PTPRN2: variants seen among roughly 807,000 people sequenced by gnomAD.
PTPRN2 encodes the protein protein tyrosine phosphatase receptor type N2, also known as receptor-type tyrosine-protein phosphatase N2.
Under a neutral mutation model 118.8 loss-of-function variants are expected in PTPRN2, and 74 were observed. That is an observed-to-expected ratio of 0.62 (90% CI 0.52 to 0.76). The LOEUF is 0.76. Among genes scored for constraint, PTPRN2 ranks in the 30% least tolerant of loss-of-function variants. The pLI, the probability that PTPRN2 is intolerant of heterozygous loss-of-function variation, is 0.00. For missense variants in PTPRN2, 1,481 were observed against 1,394.4 expected, an observed-to-expected ratio of 1.06 and a Z score of -0.99; for synonymous variants, 641 against 608.0, an observed-to-expected ratio of 1.05 and a Z score of -0.80.
intron 4 of PTPRN2, among the ~76,000 whole-genome samples, chr7:158,199,304 C>T (rs958045810): frequency 6.6e-6 from 1 of 152,158 alleles, no homozygotes; most frequent in African/African-American, 2.4e-5. Flanking sequence ...TAGGTGCGAG[C>T]TCTGTTCCTC....
chr7:157,762,462 G>C (rs962457802), intron 12 of PTPRN2, among the ~76,000 whole-genome samples: 1 of 151,930 alleles, frequency 6.6e-6, no homozygotes, highest in Non-Finnish European at 1.5e-5. Context: ...GATGAAATTG[G>C]AAATCATCAT....
Position 157,622,967 on chromosome 7 carries a change from C to T in PTPRN2, c.2197-1458G>A, listed in dbSNP as rs893159279. Among the ~76,000 whole-genome samples the T allele has an allele frequency of 2.0e-5, 3 of 152,214 alleles. No individual in the cohort carries two copies. The highest frequency in any genetic ancestry group is 7.2e-5 in the African/African-American group (3 of 41,460). ...ACATCAGGGCTGCTCTGAGCCAAAG[C>T]GAACGAGTTCATCTACTCCCGTCAC... On this transcript the variant is annotated intron_variant, in intron 14 of 22. Transcript: ENST00000389418. This position sits in a 1 kb window ranked among gnomAD's most constrained non-coding sequence, Gnocchi z 5.3.
chr7:157,931,221 C>T (rs1799339909), intron 11 of PTPRN2, among the ~76,000 whole-genome samples: 1 of 152,240 alleles, frequency 6.6e-6, no homozygotes. Flanking sequence ...CCCAGCAATT[C>T]CACGAGTTAA....
At chr7:157,620,060 T>C (rs1371669952) in intron 15 of PTPRN2, among the ~76,000 whole-genome samples, 3 of 152,188 alleles carry the variant, frequency 2.0e-5, no homozygotes, top group Non-Finnish European at 4.4e-5. Context: ...AAGGGCCTTG[T>C]CTTAGGGTCC....
At chr7:158,447,636 C>G (rs1320863687) in intron 2 of PTPRN2, among the ~76,000 whole-genome samples, 1 of 152,260 alleles carries the variant, frequency 6.6e-6, no homozygotes, top group African/African-American at 2.4e-5. Flanking sequence ...TGCACGGGTA[C>G]CCGGCCTGCC....
chr7:157,994,153 A>G (rs1465855192), intron 11 of PTPRN2, among the ~76,000 whole-genome samples: 4 of 152,052 alleles, frequency 2.6e-5, no homozygotes, highest in Non-Finnish European at 5.9e-5. Context: ...GCGATACTTC[A>G]CTACAGGCCA....
chr7:157,812,870 T>G (rs1354448654), intron 12 of PTPRN2, among the ~76,000 whole-genome samples: 1 of 152,146 alleles, frequency 6.6e-6, no homozygotes, highest in Non-Finnish European at 1.5e-5. Flanking sequence ...ACCAGCGTTG[T>G]GCAAACCGGG....
intron 2 of PTPRN2, among the ~76,000 whole-genome samples, chr7:158,481,797 A>G (rs1820664132): frequency 6.6e-6 from 1 of 152,218 alleles, no homozygotes; most frequent in African/African-American, 2.4e-5. Context: ...TTGTAAGATG[A>G]CAGCTGCCAT....
At chr7:157,818,567 GC>G (rs1344035385) in intron 12 of PTPRN2, among the ~76,000 whole-genome samples, 1 of 152,116 alleles carries the variant, frequency 6.6e-6, no homozygotes, top group African/African-American at 2.4e-5. Flanking sequence ...TTCCAGAAGG[GC>G]AGAGGCCACG....
intron 12 of PTPRN2, among the ~76,000 whole-genome samples, chr7:157,839,634 A>G (rs907626434): frequency 4.7e-5 from 7 of 149,264 alleles, no homozygotes; most frequent in African/African-American, 1.2e-4. Flanking sequence ...GTGTCTGTGT[A>G]TGACTGTGTG....
rs1360024512 is a variant in PTPRN2, at chr7:157,540,536, T to A, written c.*178A>T. On this transcript the variant is annotated 3_prime_UTR_variant, in exon 23 of 23. Transcript: ENST00000389418. ...ACTGGATTTTTCCACAAATCTCTCT[T>A]TATTATTGTTTGATTAAACAAAAAT... The A allele has an allele frequency of 2.1e-6, 1 of 469,230 alleles. No homozygotes were observed. Among genetic ancestry groups the A allele is most frequent in the East Asian group, 3.5e-5 (1 of 28,978 alleles). The allele number at this position is 469,230 out of a possible 1,614,324, so 29.1% of individuals were successfully genotyped here.
At chr7:158,327,243 ACATG>A (rs1395006867) in intron 2 of PTPRN2, among the ~76,000 whole-genome samples, 1 of 151,754 alleles carries the variant, frequency 6.6e-6, no homozygotes, top group Non-Finnish European at 1.5e-5. Flanking sequence ...ATATCCACAT[ACATG>A]CACACATTCT....
At chr7:157,789,274 G>A (rs1220471493) in intron 12 of PTPRN2, among the ~76,000 whole-genome samples, 1 of 152,162 alleles carries the variant, frequency 6.6e-6, no homozygotes, top group African/African-American at 2.4e-5. Flanking sequence ...CCGCTCCCTC[G>A]AGAAGCTCCC....
intron 11 of PTPRN2, among the ~76,000 whole-genome samples, chr7:158,074,824 T>G (rs1812221413): frequency 6.6e-6 from 1 of 152,176 alleles, no homozygotes; most frequent in East Asian, 1.9e-4. Flanking sequence ...TGCTCGTTCA[T>G]TTGCAGGTGA....
chr7:158,382,270 G>C (rs959869994), intron 2 of PTPRN2, among the ~76,000 whole-genome samples: 2 of 152,124 alleles, frequency 1.3e-5, no homozygotes, highest in African/African-American at 4.8e-5. Context: ...GACCAGGGAG[G>C]ATGGGGCCAC....
rs1262234774 is a variant in PTPRN2, at chr7:157,674,405, C to T, written c.2001+8320G>A. On this transcript the variant is annotated intron_variant, in intron 13 of 22. Coordinates refer to ENST00000389418, the MANE Select transcript of PTPRN2 (RefSeq NM_002847.5). This position sits in a 1 kb window ranked among gnomAD's most constrained non-coding sequence, Gnocchi z 4.5. ...GACATTTGGAAATGACTTTCATCTG[C>T]TGGGTCCTCCTCGGTTTGACGTGCA... is the stretch of plus-strand genomic sequence containing the variant. Among the ~76,000 whole-genome samples, 4 of 152,214 alleles carry T rather than the reference C, an allele frequency of 2.6e-5. No homozygotes were observed. The highest frequency in any genetic ancestry group is 2.9e-5 in the Non-Finnish European group (2 of 68,036).
intron 2 of PTPRN2, among the ~76,000 whole-genome samples, chr7:158,382,836 T>C (rs182746486): frequency 4.8e-4 from 73 of 152,280 alleles, no homozygotes; most frequent in Admixed American, 1.0e-3. Context: ...AATCAATCAA[T>C]TGCTTGCAGA....
At chr7:157,976,054 G>A (rs189841532) in intron 11 of PTPRN2, among the ~76,000 whole-genome samples, 73 of 152,350 alleles carry the variant, frequency 4.8e-4, no homozygotes, top group African/African-American at 1.6e-3. Context: ...CCTCACCTGA[G>A]TGCTCACCAT....
chr7:158,132,462 AAC>A (rs1047564910), intron 9 of PTPRN2, among the ~76,000 whole-genome samples: 1 of 20,062 alleles, frequency 5.0e-5, no homozygotes, highest in Middle Eastern at 0.015. Context: ...ATATCGACAC[AAC>A]ACACACTCGT....
Sources: allele counts gnomAD v4.1 joint callset (sites outside exome capture counted in the v4.1 genomes callset), GRCh38; gene constraint gnomAD v4.1.1; non-coding constraint Gnocchi (gnomAD v3.1); transcripts MANE v1.5; gene names NCBI Gene and HGNC (gene_info 2026-07-23, HGNC 2026-07-21).